XPO5: variants seen among roughly 807,000 people sequenced by gnomAD.
The protein encoded by XPO5 is exportin 5.
A neutral mutation model predicts 160.6 loss-of-function variants in XPO5; 46 were observed. The ratio of observed to expected loss-of-function variants is 0.29; its 90% CI spans 0.23 to 0.37. The LOEUF is 0.37. Among genes scored for constraint, XPO5 ranks in the 10% least tolerant of loss-of-function variants. The pLI, the probability that XPO5 is intolerant of heterozygous loss-of-function variation, is 1.00. For synonymous variants in XPO5, 537 were observed against 519.3 expected (o/e 1.03, Z -0.46); for missense variants, 1,090 against 1,463.9 (o/e 0.74, Z 4.17).
chr6:43,544,040 A>G (rs1342802646), intron 20 of XPO5: 3 of 152,382 alleles, frequency 2.0e-5, no homozygotes, highest in Non-Finnish European at 4.4e-5. Context: ...CAAGCAATCT[A>G]CTCTATCATT....
chr6:43,556,183 C>T, intron 12 of XPO5: 1 of 497,276 alleles, frequency 2.0e-6, no homozygotes, highest in South Asian at 3.2e-5. Flanking sequence ...CCAGCTAGAT[C>T]CTGTAAGTGG....
intron 6 of XPO5, among the ~76,000 whole-genome samples, chr6:43,568,388 G>A (rs1762814058): frequency 6.6e-6 from 1 of 151,998 alleles, no homozygotes; most frequent in Non-Finnish European, 1.5e-5. Context: ...GAGGCTGGAG[G>A]ATCACTTGAA....
intron 8 of XPO5, among the ~76,000 whole-genome samples, chr6:43,563,481 C>T (rs908772279): frequency 1.4e-4 from 22 of 152,108 alleles, no homozygotes; most frequent in Non-Finnish European, 2.5e-4. Flanking sequence ...ACATGGAAGC[C>T]CTTACAGTCA....
intron 13 of XPO5, chr6:43,554,916 G>A (rs889282355): frequency 2.7e-5 from 4 of 150,920 alleles, no homozygotes; most frequent in African/African-American, 9.8e-5. Context: ...TTCTAAAGCA[G>A]TGACGTGCAC....
intron 1 of XPO5, 72 bp from the exon 2 acceptor site, chr6:43,573,673 A>G: frequency 6.5e-7 from 1 of 1,527,788 alleles, no homozygotes; most frequent in African/African-American, 1.4e-5. Context: ...TCATCTTAAG[A>G]AACTCCAACC....
chr6:43,536,725 A>T lies in XPO5; in HGVS notation c.2343-2718T>A, dbSNP rs113395379. Among the ~76,000 whole-genome samples, 52 of 124,088 alleles carry T rather than the reference A, an allele frequency of 4.2e-4. 1 individual carries two copies. The highest frequency in any genetic ancestry group is 5.6e-3 in the Middle Eastern group (1 of 180). The allele number at this position is 124,088 out of a possible 152,430, so 81.4% of individuals were successfully genotyped here. A position where few individuals can be genotyped will look rare whatever the true frequency, so the allele number is the denominator to read the frequency against. ...CAGTGAGCCAAGGTCGCGCCACTGC[A>T]CTCCAGCCTGGACGACAGAGTGAGA... On this transcript the variant is annotated intron_variant, in intron 20 of 31. Coordinates refer to ENST00000265351, the MANE Select transcript of XPO5 (RefSeq NM_020750.3).
intron 15 of XPO5, chr6:43,550,853 T>A (rs1795191939): frequency 6.6e-6 from 1 of 152,500 alleles, no homozygotes; most frequent in Non-Finnish European, 1.5e-5. Context: ...AAGTGTTCCT[T>A]CCTCTCATAA....
chr6:43,527,750 C>T lies in XPO5; in HGVS notation c.2823-19G>A, dbSNP rs774820403. 22 of 1,613,288 alleles carry T rather than the reference C, an allele frequency of 1.4e-5. 1 individual carries two copies. The highest frequency in any genetic ancestry group is 1.6e-4 in the Middle Eastern group (1 of 6,062). ...TTCTCCACTGCAGAAAACCAGGGGG[C>T]CAAGTTCCACAGGAGTGCAGAAAAG... On this transcript the variant is annotated intron_variant, in intron 25 of 31. Transcript: ENST00000265351.
chr6:43,553,347 A>C, intron 14 of XPO5, 26 bp downstream of exon 14: 1 of 1,596,304 alleles, frequency 6.3e-7, no homozygotes, highest in Non-Finnish European at 8.5e-7. Flanking sequence ...ATAATCATGC[A>C]GTCAGCATGG....
In XPO5 at chr6:43,546,581, C is replaced by T. The variant is rs774734064; in HGVS notation, c.2332G>A (p.Ala778Thr). Residue 778 changes from alanine to threonine, a missense_variant, in exon 20 of 32, where the codon GCG (alanine) becomes ACG (threonine). Coordinates refer to ENST00000265351, the MANE Select transcript of XPO5 (RefSeq NM_020750.3). ...ATTATTCTGACTCACCTTATAAGCG[C>T]AAGCAAATTGTCAAGAAGTTTCAGA... ...QILKLLDNLL[A>T]LIRTHNTLYA... The T allele has an allele frequency of 1.2e-6, 2 of 1,607,838 alleles. No homozygotes were observed. Among genetic ancestry groups the T allele is most frequent in the Non-Finnish European group, 1.7e-6 (2 of 1,178,144 alleles).
chr6:43,570,739 A>G (rs892352523), intron 4 of XPO5, 55 bp from the exon 5 acceptor site: 5 of 1,538,308 alleles, frequency 3.3e-6, no homozygotes, highest in Non-Finnish European at 4.4e-6. Flanking sequence ...CATTTTATGT[A>G]TATCCAAAGG....
Position 43,547,645 on chromosome 6 carries a change from G to C in XPO5, c.2123C>G (p.Pro708Arg), listed in dbSNP as rs770107104. The change falls in exon 19 of 32, where the codon CCA (proline) becomes CGA (arginine). Residue 708 changes from proline to arginine, a missense_variant. Around this residue, in one of 3 missense-constraint regions of XPO5, gnomAD observed 810 missense variants for 1,139.0 expected, o/e 0.71. Coordinates refer to ENST00000265351, the MANE Select transcript of XPO5 (RefSeq NM_020750.3). ...TAAGCCACACGGATCCTCCAGGCCT[G>C]GGTCACAGCTCTTCTGATCTGTACC... is the stretch of plus-strand genomic sequence containing the variant. ...YVGTDQKSCD[P>R]GLEDPCGLNR... The C allele has an allele frequency of 6.2e-7, 1 of 1,614,012 alleles. No individual in the cohort carries two copies. Among genetic ancestry groups the C allele is most frequent in the South Asian group, 1.1e-5 (1 of 91,078 alleles).
chr6:43,536,363 C>T (rs1017136861), intron 20 of XPO5, among the ~76,000 whole-genome samples: 2 of 151,414 alleles, frequency 1.3e-5, no homozygotes, highest in Admixed American at 6.6e-5. Flanking sequence ...TGCAGTGAGC[C>T]GAGATTGTGC....
Position 43,526,697 on chromosome 6 carries a change from C to T in XPO5, c.2971G>A (p.Ala991Thr). 1 of 1,613,960 alleles carries T rather than the reference C, an allele frequency of 6.2e-7. No homozygotes were observed. Among genetic ancestry groups the T allele is most frequent in the Non-Finnish European group, 8.5e-7 (1 of 1,179,874 alleles). Reference protein sequence around the residue: ...KGADHSSAPPADGDDEEMMAT... With the variant: ...KGADHSSAPPTDGDDEEMMAT... ...CAGGCTCACTTACCGTCTCCATCTG[C>T]TGGGGGAGCACTACTGTGGTCAGCA... is the stretch of plus-strand genomic sequence containing the variant. Residue 991 changes from alanine (A) to threonine (T), a missense_variant, in exon 27 of 32, where the codon GCA (alanine) becomes ACA (threonine). Physicochemically the swap from Ala to Thr is moderately conservative, Grantham distance 58 (BLOSUM62 0). Coordinates refer to ENST00000265351, the MANE Select transcript of XPO5 (RefSeq NM_020750.3).
chr6:43,524,412 T>C (rs187026481), intron 31 of XPO5, 59 bp downstream of exon 31: 1 of 1,562,540 alleles, frequency 6.4e-7, no homozygotes, highest in East Asian at 2.3e-5. Context: ...GTTTATGGTT[T>C]GCCCATACAC....
chr6:43,574,159 G>A (rs1179608711), intron 1 of XPO5, among the ~76,000 whole-genome samples: 1 of 151,880 alleles, frequency 6.6e-6, no homozygotes, highest in African/African-American at 2.4e-5. Flanking sequence ...AATTAGCCGG[G>A]CATGGTGGCA....
At chr6:43,547,533 G>T in intron 19 of XPO5, 75 bp downstream of exon 19, 1 of 1,396,484 alleles carries the variant, frequency 7.2e-7, no homozygotes, top group South Asian at 1.2e-5. Context: ...ACAAATCTAT[G>T]AGAAACTTGA....
At chr6:43,561,848 G>C (rs1054935599) in intron 9 of XPO5, 1 of 157,054 alleles carries the variant, frequency 6.4e-6, no homozygotes, top group African/African-American at 2.4e-5. Flanking sequence ...TCAGACTCAA[G>C]TTTTCTTTTG....
chr6:43,567,058 C>G (rs1253582670), intron 7 of XPO5, 111 bp downstream of exon 7: 1 of 1,217,968 alleles, frequency 8.2e-7, no homozygotes. Context: ...AAGTTGGCCC[C>G]AAGGAAAAAA....
Sources: allele counts gnomAD v4.1 joint callset (sites outside exome capture counted in the v4.1 genomes callset), GRCh38; gene constraint gnomAD v4.1.1; regional missense constraint gnomAD v4.1.1; transcripts MANE v1.5; gene names NCBI Gene and HGNC (gene_info 2026-07-23, HGNC 2026-07-21).